Variants in CDC40 observed in about 807,000 individuals in gnomAD.
The protein encoded by CDC40 is cell division cycle 40, also known as pre-mRNA-processing factor 17.
CDC40 carries 27 observed loss-of-function variants against 80.6 expected under a neutral mutation model. The observed-to-expected ratio is 0.33, with a 90% confidence interval of 0.25 to 0.46. The LOEUF is 0.46. CDC40 is among the 20% of genes least tolerant of loss of function. CDC40 has a pLI of 1.00. For synonymous variants in CDC40, 221 were observed against 232.6 expected, an observed-to-expected ratio of 0.95 and a Z score of 0.45; for missense variants, 486 against 694.1, an observed-to-expected ratio of 0.70 and a Z score of 3.37.
At chr6:110,191,660 TA>T in intron 1 of CDC40, among the ~76,000 whole-genome samples, 1 of 152,194 alleles carries the variant, frequency 6.6e-6, no homozygotes, top group East Asian at 1.9e-4. Flanking sequence ...ACGGTAAGTA[TA>T]GAGACCCCAA....
chr6:110,215,534 T>G (rs1176415442), intron 9 of CDC40, among the ~76,000 whole-genome samples: 1 of 152,200 alleles, frequency 6.6e-6, no homozygotes, highest in African/African-American at 2.4e-5. Flanking sequence ...AAAAATGGTG[T>G]GAGACAGCGT....
At chr6:110,205,726 C>T (rs1312118588) in intron 3 of CDC40, among the ~76,000 whole-genome samples, 2 of 152,120 alleles carry the variant, frequency 1.3e-5, no homozygotes, top group Non-Finnish European at 2.9e-5. Flanking sequence ...GACGTTAAGT[C>T]TCCTTTCAAA....
chr6:110,214,946 A>G (rs780241994), intron 8 of CDC40, among the ~76,000 whole-genome samples: 5 of 152,370 alleles, frequency 3.3e-5, no homozygotes, highest in Admixed American at 2.0e-4. Flanking sequence ...GAAACTTTTC[A>G]TCCTAGAAAA....
chr6:110,211,676 G>A (rs1777639080), intron 6 of CDC40: 2 of 152,664 alleles, frequency 1.3e-5, no homozygotes, highest in African/African-American at 4.8e-5. Flanking sequence ...TAAATGAAAA[G>A]GAACTGGAAG....
chr6:110,205,512 T>G (rs189735339), intron 3 of CDC40, among the ~76,000 whole-genome samples: 83 of 152,228 alleles, frequency 5.5e-4, no homozygotes, highest in African/African-American at 1.9e-3. Context: ...AAGGCAGTAG[T>G]GGGGATGGTG....
chr6:110,209,317 C>T (rs1045861511), intron 5 of CDC40, 94 bp downstream of exon 5: 87 of 1,095,360 alleles, frequency 7.9e-5, no homozygotes, highest in Admixed American at 1.1e-4. Context: ...CTTTAGAGAA[C>T]CAAATGACTC....
At chr6:110,213,949 C>G (rs965749087) in intron 8 of CDC40, among the ~76,000 whole-genome samples, 1 of 152,112 alleles carries the variant, frequency 6.6e-6, no homozygotes. Context: ...ATAGTTCTTA[C>G]CAGTTTTGTG....
chr6:110,209,873 T>G (rs973370262), intron 5 of CDC40, among the ~76,000 whole-genome samples: 1 of 152,182 alleles, frequency 6.6e-6, no homozygotes, highest in Non-Finnish European at 1.5e-5. Flanking sequence ...ATGAATAAAC[T>G]TATTCTACTA....
chr6:110,180,816 C>T (rs1433240077), intron 1 of CDC40, among the ~76,000 whole-genome samples, 183 bp downstream of exon 1: 1 of 152,194 alleles, frequency 6.6e-6, no homozygotes, highest in Non-Finnish European at 1.5e-5. Flanking sequence ...TCGGAATAGC[C>T]CTCCGATGCT....
In CDC40 at chr6:110,226,263, G is replaced by A; in HGVS notation, c.1417+20G>A. ...CAAATGGTGAGTTAGTATGTAGATT[G>A]TATTTTTAAATGAGCTTCTAAGATA... is the stretch of plus-strand genomic sequence containing the variant. On this transcript the variant is annotated intron_variant, in intron 13 of 14. Coordinates refer to ENST00000307731, the MANE Select transcript of CDC40 (RefSeq NM_015891.3). The A allele has an allele frequency of 1.4e-6, 2 of 1,470,320 alleles. No homozygotes were observed. The highest frequency in any genetic ancestry group is 1.9e-6 in the Non-Finnish European group (2 of 1,055,406). 91.1% of individuals were successfully genotyped at this position (1,470,320 alleles called of 1,614,324 possible).
rs1336758965 is a variant in CDC40 at position 110,230,394 on chromosome 6, T to C, written c.*263T>C. ...ATTGGCAAGCAGTTTGAGTTTATAC[T>C]CATGACATACTGAAAGCATCTCTTT... is the stretch of plus-strand genomic sequence containing the variant. On this transcript the variant is annotated 3_prime_UTR_variant, in exon 15 of 15. Transcript: ENST00000307731. 2.1e-5 allele frequency: 7 copies of C among 329,784 alleles called. No homozygotes were observed. The highest frequency in any genetic ancestry group is 3.9e-5 in the Non-Finnish European group (7 of 180,730). 20.4% of individuals were successfully genotyped at this position (329,784 alleles called of 1,614,324 possible).
At chr6:110,194,097 G>A (rs189169498) in intron 2 of CDC40, among the ~76,000 whole-genome samples, 50 of 152,008 alleles carry the variant, frequency 3.3e-4, no homozygotes, top group African/African-American at 1.1e-3. Flanking sequence ...ACCAGAAACC[G>A]CAAATATTGT....
intron 7 of CDC40, 53 bp downstream of exon 7, chr6:110,212,325 C>A: frequency 6.3e-7 from 1 of 1,579,050 alleles, no homozygotes; most frequent in Non-Finnish European, 8.7e-7. Context: ...ATGAAGCCAA[C>A]GTAAAGTTTT....
chr6:110,185,538 T>C (rs1777257910), intron 1 of CDC40, among the ~76,000 whole-genome samples: 1 of 152,270 alleles, frequency 6.6e-6, no homozygotes, highest in East Asian at 1.9e-4. Context: ...CCTTTAAAGA[T>C]ACAAATACCA....
chr6:110,207,362 A>G (rs921068800), intron 3 of CDC40, 144 bp from the exon 4 acceptor site: 12 of 518,252 alleles, frequency 2.3e-5, no homozygotes, highest in African/African-American at 4.0e-5. Flanking sequence ...TCAGGGCAGA[A>G]TGATTGGTCC....
At chr6:110,197,946 A>G (rs1483604011) in intron 2 of CDC40, among the ~76,000 whole-genome samples, 1 of 151,982 alleles carries the variant, frequency 6.6e-6, no homozygotes, top group Non-Finnish European at 1.5e-5. Flanking sequence ...TGGTAGTTCT[A>G]TTTTTAATTT....
At chr6:110,221,017 T>G (rs1346770417) in intron 12 of CDC40, among the ~76,000 whole-genome samples, 2 of 152,228 alleles carry the variant, frequency 1.3e-5, no homozygotes, top group Non-Finnish European at 2.9e-5. Flanking sequence ...GTTTTACTTA[T>G]GGAATATAGT....
intron 7 of CDC40, 107 bp downstream of exon 7, chr6:110,212,379 G>T: frequency 8.8e-7 from 1 of 1,135,418 alleles, no homozygotes; most frequent in East Asian, 2.4e-5. Flanking sequence ...AAAGGTACAG[G>T]GAAGTCAAAT....
chr6:110,197,005 GC>G (rs1360017875), intron 2 of CDC40, among the ~76,000 whole-genome samples: 56 of 151,952 alleles, frequency 3.7e-4, no homozygotes, highest in African/African-American at 1.4e-3. Flanking sequence ...ATTTTATTTA[GC>G]CCATTTTTAG....
Sources: allele counts gnomAD v4.1 joint callset (sites outside exome capture counted in the v4.1 genomes callset), GRCh38; gene constraint gnomAD v4.1.1; transcripts MANE v1.5; gene names NCBI Gene and HGNC (gene_info 2026-07-23, HGNC 2026-07-21).